ILRUN: variants seen among roughly 807,000 people sequenced by gnomAD.
The protein encoded by ILRUN is inflammation and lipid regulator with UBA-like and NBR1-like domains.
A neutral mutation model predicts 33.8 loss-of-function variants in ILRUN; 3 were observed. The observed-to-expected ratio is 0.09, with a 90% CI of 0.04 to 0.23. ILRUN has a LOEUF of 0.23. Ranked by LOEUF, ILRUN falls within the 10% of genes least tolerant of loss-of-function variation. The pLI, the probability that ILRUN is intolerant of heterozygous loss-of-function variation, is 1.00. For missense variants in ILRUN, 210 were observed against 375.1 expected, an observed-to-expected ratio of 0.56 and a Z score of 3.64; for synonymous variants, 124 against 138.9, an observed-to-expected ratio of 0.89 and a Z score of 0.75.
intron 4 of ILRUN, among the ~76,000 whole-genome samples, chr6:34,596,202 T>C (rs1761396174): frequency 6.6e-6 from 1 of 152,228 alleles, no homozygotes; most frequent in South Asian, 2.1e-4. Context: ...TAATGCCTTC[T>C]GACTACTCCG....
At chr6:34,685,814 TGA>T (rs1362594982) in intron 1 of ILRUN, among the ~76,000 whole-genome samples, 1 of 152,156 alleles carries the variant, frequency 6.6e-6, no homozygotes, top group Non-Finnish European at 1.5e-5. Context: ...ACAGAGCTAA[TGA>T]GAGGCCAGTC....
At chr6:34,673,064 C>A (rs1267400145) in intron 1 of ILRUN, among the ~76,000 whole-genome samples, 1 of 152,176 alleles carries the variant, frequency 6.6e-6, no homozygotes, top group Non-Finnish European at 1.5e-5. Context: ...GGATCAGTGC[C>A]TTCAAAATTC....
chr6:34,623,648 G>A (rs2127342909), intron 3 of ILRUN, among the ~76,000 whole-genome samples: 1 of 152,170 alleles, frequency 6.6e-6, no homozygotes, highest in South Asian at 2.1e-4. Context: ...AGGATATGCA[G>A]GAAATCAAAA....
chr6:34,643,355 A>T (rs1762510704), intron 3 of ILRUN, among the ~76,000 whole-genome samples: 1 of 151,840 alleles, frequency 6.6e-6, no homozygotes, highest in South Asian at 2.1e-4. Context: ...AAACTCAGCC[A>T]AAGCTTTAGC....
intron 3 of ILRUN, among the ~76,000 whole-genome samples, chr6:34,624,908 T>C (rs528815519): frequency 2.0e-5 from 3 of 152,320 alleles, no homozygotes; most frequent in Admixed American, 2.0e-4. Context: ...GATAATACAT[T>C]GTGTTAACTC....
At chr6:34,591,047 T>A (rs147104680) in intron 4 of ILRUN, among the ~76,000 whole-genome samples, 22 of 152,334 alleles carry the variant, frequency 1.4e-4, no homozygotes, top group African/African-American at 4.6e-4. Context: ...AAATAGCAAC[T>A]ATTTACTTAG....
intron 3 of ILRUN, among the ~76,000 whole-genome samples, chr6:34,623,525 A>G (rs1350294230): frequency 6.6e-6 from 1 of 152,218 alleles, no homozygotes; most frequent in Non-Finnish European, 1.5e-5. Flanking sequence ...GCCTACGAAA[A>G]AAAGCATAAT....
At chr6:34,642,198 C>T (rs942447911) in intron 3 of ILRUN, among the ~76,000 whole-genome samples, 10 of 152,164 alleles carry the variant, frequency 6.6e-5, no homozygotes, top group African/African-American at 1.4e-4. Flanking sequence ...GACGACATGA[C>T]GCTGGAGATG....
At chr6:34,613,732 G>A (rs1761807859) in intron 3 of ILRUN, among the ~76,000 whole-genome samples, 1 of 152,168 alleles carries the variant, frequency 6.6e-6, no homozygotes, top group Non-Finnish European at 1.5e-5. Context: ...GAAGAAATAC[G>A]GAATCAGTTG....
At chr6:34,626,040 C>T (rs1283088230) in intron 3 of ILRUN, among the ~76,000 whole-genome samples, 7 of 151,870 alleles carry the variant, frequency 4.6e-5, no homozygotes, top group African/African-American at 9.7e-5. Context: ...TTAGTAGGGA[C>T]GGGGTTTCAC....
intron 3 of ILRUN, chr6:34,616,926 C>A: frequency 1.7e-6 from 1 of 589,042 alleles, no homozygotes; most frequent in Non-Finnish European, 3.2e-6. Flanking sequence ...ATTGTAGAAC[C>A]ATATATTGCA....
intron 4 of ILRUN, among the ~76,000 whole-genome samples, chr6:34,599,001 C>T (rs1390856807): frequency 2.0e-5 from 3 of 152,208 alleles, no homozygotes; most frequent in Admixed American, 2.0e-4. Flanking sequence ...ACCGGCCACA[C>T]ATTCTTTTGC....
rs1427188854 is a variant in ILRUN at position 34,633,383 on chromosome 6, A to G, written c.511+13218T>C. Among the ~76,000 whole-genome samples the G allele has an allele frequency of 4.6e-5, 7 of 152,340 alleles. No individual in the cohort carries two copies. The East Asian group carries it at 9.6e-4, about 21-fold the overall frequency. On this transcript the variant is annotated intron_variant, in intron 3 of 4. Coordinates refer to ENST00000374023, the MANE Select transcript of ILRUN (RefSeq NM_024294.4). ...CAGTAACAGATAGAACTAGTAAACAACAACAAAAATCAACAGATATAAAGG... is the reference window on the plus strand; with the variant it reads ...CAGTAACAGATAGAACTAGTAAACAGCAACAAAAATCAACAGATATAAAGG...
chr6:34,656,159 C>T (rs1762767205), intron 1 of ILRUN, among the ~76,000 whole-genome samples: 1 of 151,100 alleles, frequency 6.6e-6, no homozygotes, highest in Admixed American at 6.6e-5. Flanking sequence ...TCGCTTGAAC[C>T]CGAGAGGTGG....
At chr6:34,654,487 C>T (rs570092955) in intron 2 of ILRUN, 138 bp downstream of exon 2, 10 of 839,536 alleles carry the variant, frequency 1.2e-5, no homozygotes, top group Admixed American at 5.3e-5. Context: ...CACACCAGTA[C>T]AAGAAAATAC....
intron 4 of ILRUN, among the ~76,000 whole-genome samples, chr6:34,601,181 C>T (rs898970570): frequency 2.6e-5 from 4 of 152,140 alleles, no homozygotes; most frequent in Admixed American, 6.5e-5. Context: ...CCTTAAACTA[C>T]GTACACTGAT....
At chr6:34,692,429 G>C (rs1219874530) in intron 1 of ILRUN, among the ~76,000 whole-genome samples, 2 of 152,312 alleles carry the variant, frequency 1.3e-5, no homozygotes, top group East Asian at 3.9e-4. Flanking sequence ...TTAATCATCA[G>C]AGCAAGTTGA....
intron 1 of ILRUN, among the ~76,000 whole-genome samples, chr6:34,656,458 A>G (rs1270440269): frequency 6.6e-6 from 1 of 152,142 alleles, no homozygotes; most frequent in African/African-American, 2.4e-5. Flanking sequence ...AGCTGCGTTC[A>G]TTACAGAGAT....
At chr6:34,666,825 C>T (rs978174275) in intron 1 of ILRUN, among the ~76,000 whole-genome samples, 4 of 152,168 alleles carry the variant, frequency 2.6e-5, no homozygotes, top group African/African-American at 7.2e-5. Flanking sequence ...AACAATCTCA[C>T]GTATTCTGTT....
Sources: allele counts gnomAD v4.1 joint callset (sites outside exome capture counted in the v4.1 genomes callset), GRCh38; gene constraint gnomAD v4.1.1; transcripts MANE v1.5; gene names NCBI Gene and HGNC (gene_info 2026-07-23, HGNC 2026-07-21).